The following PRSS3 variants were observed in gnomAD, a reference collection of about 807,000 sequenced individuals.
The protein encoded by PRSS3 is serine protease 3, also known as trypsin-3.
PRSS3 carries 14 observed loss-of-function variants against 20.8 expected under a neutral mutation model. The observed-to-expected ratio is 0.67, with a 90% CI of 0.44 to 1.05. The LOEUF is 1.05. Ranked by LOEUF, PRSS3 falls within the 50% of genes least tolerant of loss-of-function variation. The pLI is 0.00. For missense variants in PRSS3, 237 were observed against 306.4 expected (o/e 0.77, Z 1.69); for synonymous variants, 91 against 117.6 (o/e 0.77, Z 1.46).
At chr9:33,763,634 G>T (rs1218930751) in intron 1 of PRSS3, among the ~76,000 whole-genome samples, 2 of 149,692 alleles carry the variant, frequency 1.3e-5, no homozygotes, top group Non-Finnish European at 2.9e-5. Flanking sequence ...GGGAGGCGGA[G>T]CTTGCAGTGA....
At chr9:33,766,772 G>A (rs1823453531) in intron 1 of PRSS3, among the ~76,000 whole-genome samples, 1 of 152,088 alleles carries the variant, frequency 6.6e-6, no homozygotes. Flanking sequence ...GGTGCTGGCA[G>A]GAAATGGGAA....
chr9:33,797,515 T>A (rs1343808969), intron 2 of PRSS3, among the ~76,000 whole-genome samples: 1 of 152,128 alleles, frequency 6.6e-6, no homozygotes, highest in East Asian at 1.9e-4. Flanking sequence ...TACGAGGAGC[T>A]CTTTGTGCCC....
At chr9:33,756,638 A>G (rs903781315) in intron 1 of PRSS3, among the ~76,000 whole-genome samples, 11 of 152,212 alleles carry the variant, frequency 7.2e-5, no homozygotes, top group African/African-American at 2.7e-4. Flanking sequence ...CAACACTGCT[A>G]TTAAATGTTT....
intron 1 of PRSS3, among the ~76,000 whole-genome samples, chr9:33,771,852 G>C (rs1297711332): frequency 6.9e-6 from 1 of 145,434 alleles, no homozygotes; most frequent in African/African-American, 2.6e-5. Context: ...TGTTATCCAG[G>C]CTAGTTTCTT....
rs182183060 is a variant in PRSS3 at position 33,788,336 on chromosome 9, C to T, written c.-52-6410C>T. 2.0e-5 allele frequency among the ~76,000 whole-genome samples: 3 copies of T among 152,300 alleles called. No individual in the cohort carries two copies. The East Asian group carries it at 5.8e-4, about 29-fold the overall frequency. On this transcript the variant is annotated intron_variant, in intron 1 of 5. Transcript: ENST00000342836. The stretch of plus-strand genomic sequence containing the variant: ...CTCTTCTTCTTTTGAAAAGTTGCTC[C>T]TGGCTCTGTAATGGATGCCTTATAA...
chr9:33,750,739 G>A lies in PRSS3; in HGVS notation c.-53+12G>A. 7.0e-7 allele frequency: 1 copy of A among 1,425,978 alleles called. No individual in the cohort carries two copies. The allele number at this position is 1,425,978 out of a possible 1,614,324, so 88.3% of individuals were successfully genotyped here. A position where few individuals can be genotyped will look rare whatever the true frequency, so the allele number is the denominator to read the frequency against. On this transcript the variant is annotated intron_variant, in intron 1 of 5. Transcript: ENST00000342836. The surrounding 1 kb of genome is among the most constrained non-coding windows in gnomAD (Gnocchi z 4.8). The stretch of plus-strand genomic sequence containing the variant: ...GGCGCTGGGCACAGGTCAGACGTCA[G>A]TACCCGCAGGGGGCTTGAAACTGGA...
At chr9:33,781,470 A>C (rs189475621) in intron 1 of PRSS3, among the ~76,000 whole-genome samples, 3 of 152,354 alleles carry the variant, frequency 2.0e-5, no homozygotes, top group Admixed American at 1.3e-4. Context: ...AGTGGGAACT[A>C]AACATTGAGC....
At chr9:33,797,575 G>C (rs370808982) in intron 2 of PRSS3, among the ~76,000 whole-genome samples, 2 of 140,416 alleles carry the variant, frequency 1.4e-5, no homozygotes, top group Non-Finnish European at 3.2e-5. Context: ...GGGAAGGCAG[G>C]TTGAGGAGCA....
upstream of PRSS3, among the ~76,000 whole-genome samples, chr9:33,790,854 C>G (rs1223724061): frequency 6.6e-6 from 1 of 152,060 alleles, no homozygotes; most frequent in African/African-American, 2.4e-5. Context: ...AATATGATTT[C>G]AAAGAAAAGA....
At chr9:33,754,736 C>T (rs1168476292) in intron 1 of PRSS3, among the ~76,000 whole-genome samples, 1 of 152,102 alleles carries the variant, frequency 6.6e-6, no homozygotes, top group South Asian at 2.1e-4. Context: ...GAGGCTGAGG[C>T]AGGAGAATCG....
intron 1 of PRSS3, among the ~76,000 whole-genome samples, chr9:33,759,630 G>T (rs921981314): frequency 2.0e-5 from 3 of 152,132 alleles, no homozygotes; most frequent in Non-Finnish European, 2.9e-5. Flanking sequence ...TTCAGTCTTG[G>T]ACATACTGAC....
In PRSS3 at chr9:33,750,782, A is replaced by C; in HGVS notation, c.-53+55A>C. ...AAACTGGAGGAGGGCTCGAAGGGAG[A>C]GGGAGCCCCGCCAAGGAGCGGGGCT... is the stretch of plus-strand genomic sequence containing the variant. On this transcript the variant is annotated intron_variant, in intron 1 of 5. Coordinates refer to the PRSS3 transcript ENST00000342836. The surrounding 1 kb of genome is among the most constrained non-coding windows in gnomAD (Gnocchi z 4.8). 7.1e-7 allele frequency: 1 copy of C among 1,411,462 alleles called. No individual in the cohort carries two copies. The highest frequency in any genetic ancestry group is 9.2e-7 in the Non-Finnish European group (1 of 1,087,732). The allele number at this position is 1,411,462 out of a possible 1,614,324, so 87.4% of individuals were successfully genotyped here. A position where few individuals can be genotyped will look rare whatever the true frequency, so the allele number is the denominator to read the frequency against.
At chr9:33,794,438 T>G (rs558430507), upstream of PRSS3, among the ~76,000 whole-genome samples, 8 of 152,308 alleles carry the variant, frequency 5.3e-5, no homozygotes, top group South Asian at 1.7e-3. Context: ...CACAACTGTG[T>G]CTTAGTAGCC....
chr9:33,775,228 G>A (rs1823869735), intron 1 of PRSS3, among the ~76,000 whole-genome samples: 1 of 152,038 alleles, frequency 6.6e-6, no homozygotes, highest in Non-Finnish European at 1.5e-5. Context: ...GGAGATTGTG[G>A]CTTTTTCTGC....
chr9:33,750,830 T>C lies in PRSS3; in HGVS notation c.-53+103T>C, dbSNP rs1454852484. The C allele has an allele frequency of 9.4e-6, 13 of 1,383,976 alleles. No individual in the cohort carries two copies. In the East Asian group the frequency reaches 3.8e-4, roughly 41 times the overall value. 85.7% of individuals were successfully genotyped at this position (1,383,976 alleles called of 1,614,324 possible). On this transcript the variant is annotated intron_variant, in intron 1 of 5. Transcript: ENST00000342836. This position sits in a 1 kb window ranked among gnomAD's most constrained non-coding sequence, Gnocchi z 4.8. ...GCTGTGATGGAGAGGGGGTTCCGAC[T>C]CGCATGGGACCTGCGGGGGAGGGTA...
chr9:33,793,626 G>A, upstream of PRSS3: 2 of 904,980 alleles, frequency 2.2e-6, no homozygotes, highest in Non-Finnish European at 2.6e-6. Context: ...GTCCTCTGGG[G>A]ACCTCTGCCT....
At chr9:33,759,069 T>C (rs1281706304) in intron 1 of PRSS3, among the ~76,000 whole-genome samples, 1 of 151,960 alleles carries the variant, frequency 6.6e-6, no homozygotes, top group Non-Finnish European at 1.5e-5. Context: ...CTGCAGGAGA[T>C]AAGGCCTAAA....
chr9:33,777,065 T>C (rs1187157566), intron 1 of PRSS3, among the ~76,000 whole-genome samples: 1 of 151,962 alleles, frequency 6.6e-6, no homozygotes, highest in Admixed American at 6.6e-5. Flanking sequence ...AAATCATACA[T>C]ACCAGGAACA....
chr9:33,798,723 T>G, intron 4 of PRSS3, 101 bp downstream of exon 4: 1 of 1,543,726 alleles, frequency 6.5e-7, no homozygotes. Context: ...GGCGGCTCCC[T>G]GCAGTGCTCC....
Sources: allele counts gnomAD v4.1 joint callset (sites outside exome capture counted in the v4.1 genomes callset), GRCh38; gene constraint gnomAD v4.1.1; non-coding constraint Gnocchi (gnomAD v3.1); transcripts MANE v1.5; gene names NCBI Gene and HGNC (gene_info 2026-07-23, HGNC 2026-07-21).